The following GSE1 variants were observed in gnomAD, a reference collection of about 807,000 sequenced individuals.
GSE1 encodes genetic suppressor element 1.
A neutral mutation model predicts 112.6 loss-of-function variants in GSE1; 32 were observed. The ratio of observed to expected loss-of-function variants is 0.28; its 90% confidence interval spans 0.21 to 0.38. The LOEUF is 0.38. Among genes scored for constraint, GSE1 ranks in the 10% least tolerant of loss-of-function variants. The pLI, the probability that GSE1 is intolerant of heterozygous loss-of-function variation, is 1.00. For missense variants in GSE1, 2,348 were observed against 1,699.2 expected, an observed-to-expected ratio of 1.38 and a Z score of -6.71; for synonymous variants, 1,115 against 735.6, an observed-to-expected ratio of 1.52 and a Z score of -8.35.
chr16:85,575,583 T>G (rs2046197472), intron 1 of GSE1, among the ~76,000 whole-genome samples: 1 of 152,314 alleles, frequency 6.6e-6, no homozygotes, highest in East Asian at 1.9e-4. Flanking sequence ...TAATTGCGAT[T>G]TCTTTTTCAT....
chr16:85,193,471 GT>G (rs55671732), intron 1 of GSE1, among the ~76,000 whole-genome samples: 1 of 151,454 alleles, frequency 6.6e-6, no homozygotes, highest in Non-Finnish European at 1.5e-5. Context: ...TTTTGCTTTT[GT>G]TTTTTTTGAG....
At chr16:85,327,364 A>G (rs889334708) in intron 1 of GSE1, among the ~76,000 whole-genome samples, 1 of 152,192 alleles carries the variant, frequency 6.6e-6, no homozygotes, top group African/African-American at 2.4e-5. Context: ...GCACTTTGGG[A>G]GGCTGAGGTG....
intron 1 of GSE1, among the ~76,000 whole-genome samples, chr16:85,233,940 G>A (rs35188165): frequency 1.3e-5 from 2 of 152,018 alleles, no homozygotes; most frequent in African/African-American, 2.4e-5. Context: ...GGGATCACAT[G>A]GGCAGGAGCA....
intron 1 of GSE1, among the ~76,000 whole-genome samples, chr16:85,320,441 A>ATGTTTTGTTTTGTTTTGTTT (rs112173531): frequency 1.2e-3 from 174 of 149,154 alleles, no homozygotes; most frequent in African/African-American, 3.9e-3. Flanking sequence ...TACCCGGCTA[A>ATGTTTTGTTTTGTTTTGTTT]TGTTTTGTTT....
intron 1 of GSE1, among the ~76,000 whole-genome samples, chr16:85,309,076 C>T (rs75741426): frequency 0.024 from 3,594 of 151,754 alleles, 58 homozygotes; most frequent in Non-Finnish European, 0.04. Context: ...TTCTGACAGG[C>T]TCTGAGGGGC....
At chr16:85,489,371 G>A (rs1357571141) in intron 2 of GSE1, among the ~76,000 whole-genome samples, 1 of 151,968 alleles carries the variant, frequency 6.6e-6, no homozygotes, top group Non-Finnish European at 1.5e-5. Flanking sequence ...TGGGCACTGG[G>A]GGCTGGGGGG....
chr16:85,234,289 A>C (rs1474041315), intron 1 of GSE1, among the ~76,000 whole-genome samples: 1 of 152,072 alleles, frequency 6.6e-6, no homozygotes, highest in African/African-American at 2.4e-5. Context: ...TTTTGAAACC[A>C]GAGTCTCCTC....
At chr16:85,426,135 A>G (rs2048979434) in intron 2 of GSE1, among the ~76,000 whole-genome samples, 2 of 106,644 alleles carry the variant, frequency 1.9e-5, no homozygotes, top group African/African-American at 5.6e-5. Context: ...GGGTAGATGT[A>G]TGTATGGATG....
At position 85,661,141 on chromosome 16, in the gene GSE1, C is replaced by T. The variant is rs535303201; in HGVS notation, c.1641-5C>T. ...CCTGACTGAAGGGTTGGTTTCACTC[C>T]CTAGGCCAGGACCAAACCGTCACGA... On this transcript the variant is annotated splice_polypyrimidine_tract_variant and splice_region_variant and intron_variant, in intron 8 of 15. Coordinates refer to ENST00000253458, the MANE Select transcript of GSE1 (RefSeq NM_014615.5). 1.9e-4 allele frequency: 302 copies of T among 1,573,950 alleles called. 1 individual carries two copies. The highest frequency in any genetic ancestry group is 4.5e-4 in the Admixed American group (26 of 57,468).
chr16:85,656,047 A>G (rs11640338), intron 6 of GSE1, 130 bp downstream of exon 6: 330,894 of 734,956 alleles, frequency 0.45, 79,000 homozygotes, highest in East Asian at 0.69. Flanking sequence ...TCCACCTGCC[A>G]AATGGGACAA....
chr16:85,627,898 G>C (rs1225024838), intron 1 of GSE1, among the ~76,000 whole-genome samples: 1 of 152,222 alleles, frequency 6.6e-6, no homozygotes, highest in Non-Finnish European at 1.5e-5. Context: ...CGGACACCTT[G>C]GCACCTGCAC....
chr16:85,640,854 G>A (rs2050384984), intron 2 of GSE1, among the ~76,000 whole-genome samples: 1 of 152,270 alleles, frequency 6.6e-6, no homozygotes, highest in African/African-American at 2.4e-5. Context: ...CCGCGCAGGT[G>A]TGAGCGCCGC....
chr16:85,248,819 C>T (rs977793778), intron 1 of GSE1, among the ~76,000 whole-genome samples: 4 of 152,174 alleles, frequency 2.6e-5, no homozygotes, highest in Admixed American at 6.5e-5. Flanking sequence ...AGGGTCCAGG[C>T]TGAGGTCCTG....
At chr16:85,612,349 C>T (rs1368978392), upstream of GSE1, among the ~76,000 whole-genome samples, 3 of 151,892 alleles carry the variant, frequency 2.0e-5, no homozygotes, top group African/African-American at 2.4e-5. Flanking sequence ...TCAGGACGCT[C>T]CCTGAGTCAT....
chr16:85,633,162 G>A (rs1037194372), intron 1 of GSE1, among the ~76,000 whole-genome samples: 3 of 152,186 alleles, frequency 2.0e-5, no homozygotes, highest in East Asian at 1.9e-4. Flanking sequence ...TAGCATCTCC[G>A]GGCAGACTCT....
In GSE1 at chr16:85,625,469, C is replaced by T. The variant is rs538065255; in HGVS notation, c.8-8445C>T. 5.3e-5 allele frequency among the ~76,000 whole-genome samples: 8 copies of T among 152,296 alleles called. No homozygotes were observed. The East Asian group carries it at 7.7e-4, about 15-fold the overall frequency. ...TGCTGTCCTCAAAACTGTAGTGTGGCGTCCAACCTGGGAAGCCCCTCCAGG... is the reference window on the plus strand; with the variant it reads ...TGCTGTCCTCAAAACTGTAGTGTGGTGTCCAACCTGGGAAGCCCCTCCAGG... On this transcript the variant is annotated intron_variant, in intron 1 of 15. Transcript: ENST00000253458.
In GSE1 at chr16:85,212,933, G is replaced by T. The variant is rs1029157155; in HGVS notation, c.2283+41126G>T. On this transcript the variant is annotated intron_variant, in intron 1 of 2. Transcript: ENST00000637419. ...GCTCGAGCCCAGGAGTTTGAGACCA[G>T]CCTGGGCAACATGGCAAGACCCCGT... Among the ~76,000 whole-genome samples the T allele has an allele frequency of 3.3e-5, 5 of 152,154 alleles. No individual in the cohort carries two copies. The East Asian group carries it at 9.6e-4, about 29-fold the overall frequency.
chr16:85,440,082 G>A (rs1022207442), intron 2 of GSE1, among the ~76,000 whole-genome samples: 2 of 152,242 alleles, frequency 1.3e-5, no homozygotes, highest in Admixed American at 6.5e-5. Context: ...TTGACATCCC[G>A]TGTCTTGTTC....
At chr16:85,527,940 T>A (rs1023365661) in intron 2 of GSE1, among the ~76,000 whole-genome samples, 1 of 152,120 alleles carries the variant, frequency 6.6e-6, no homozygotes, top group Non-Finnish European at 1.5e-5. Flanking sequence ...AGAAGGCCGT[T>A]CCTGGAAGAG....
Sources: allele counts gnomAD v4.1 joint callset (sites outside exome capture counted in the v4.1 genomes callset), GRCh38; gene constraint gnomAD v4.1.1; transcripts MANE v1.5; gene names NCBI Gene and HGNC (gene_info 2026-07-23, HGNC 2026-07-21).